Variants in LINGO2 observed in about 807,000 individuals in gnomAD.
The protein encoded by LINGO2 is leucine-rich repeat and immunoglobulin-like domain-containing nogo receptor-interacting protein 2.
A neutral mutation model predicts 30.6 loss-of-function variants in LINGO2; 14 were observed. The ratio of observed to expected loss-of-function variants is 0.46; its 90% confidence interval spans 0.30 to 0.72. The LOEUF is 0.72. LINGO2 is among the 30% of genes least tolerant of loss of function. The probability of loss-of-function intolerance (pLI) is 0.07; values close to 1 mark genes in which losing one functional copy is unlikely to be tolerated. For missense variants in LINGO2, 729 were observed against 751.7 expected (o/e 0.97, Z 0.35); for synonymous variants, 317 against 288.5 (o/e 1.10, Z -1.00).
chr9:28,139,194 C>T (rs939720952), intron 4 of LINGO2, among the ~76,000 whole-genome samples: 1 of 152,174 alleles, frequency 6.6e-6, no homozygotes, highest in Non-Finnish European at 1.5e-5. Context: ...ACTCTACCAG[C>T]ATCTCAGTTA....
chr9:27,941,633 T>C, the LINGO2 span: 3 of 152,290 alleles, frequency 2.0e-5, no homozygotes, highest in African/African-American at 7.2e-5. Context: ...AGCCATCTAA[T>C]GAGCCACAGG....
the LINGO2 span, among the ~76,000 whole-genome samples, chr9:29,114,314 G>A: frequency 1.3e-5 from 2 of 150,808 alleles, no homozygotes; most frequent in African/African-American, 2.4e-5. Flanking sequence ...TTCGATTACC[G>A]CATACTTGCA....
the LINGO2 span, among the ~76,000 whole-genome samples, chr9:28,951,915 A>C: frequency 6.6e-6 from 1 of 152,182 alleles, no homozygotes; most frequent in South Asian, 2.1e-4. Context: ...TCAAAAGAAG[A>C]TATTTACATG....
chr9:28,538,768 A>G (rs1222258430), intron 1 of LINGO2, among the ~76,000 whole-genome samples: 1 of 152,082 alleles, frequency 6.6e-6, no homozygotes, highest in East Asian at 1.9e-4. Flanking sequence ...GTGAATGTGG[A>G]GTCCTCATGA....
intron 4 of LINGO2, among the ~76,000 whole-genome samples, chr9:28,118,634 TAAC>T (rs1255884479): frequency 2.6e-5 from 4 of 152,290 alleles, no homozygotes; most frequent in Middle Eastern, 3.4e-3. Context: ...CTTCACAAAA[TAAC>T]AAACTAGGAA....
At chr9:28,932,107 A>AAAAATAAAATAAAACAAAAT in the LINGO2 span, among the ~76,000 whole-genome samples, 1 of 107,564 alleles carries the variant, frequency 9.3e-6, no homozygotes, top group Non-Finnish European at 1.8e-5. Flanking sequence ...ACTCTGACAA[A>AAAAATAAAATAAAACAAAAT]AAAATAAAAT....
At chr9:28,647,276 A>C (rs773665278) in intron 1 of LINGO2, among the ~76,000 whole-genome samples, 27 of 152,114 alleles carry the variant, frequency 1.8e-4, no homozygotes, top group Non-Finnish European at 3.5e-4. Context: ...TACTTCCCAT[A>C]ATAACTTATT....
At chr9:29,076,704 G>C in the LINGO2 span, among the ~76,000 whole-genome samples, 1 of 150,358 alleles carries the variant, frequency 6.7e-6, no homozygotes, top group Non-Finnish European at 1.5e-5. Flanking sequence ...TAAGGGACAG[G>C]GTTAGGATTC....
chr9:28,059,537 C>T (rs1333852197), intron 4 of LINGO2, among the ~76,000 whole-genome samples: 1 of 152,086 alleles, frequency 6.6e-6, no homozygotes, highest in Non-Finnish European at 1.5e-5. Flanking sequence ...TGCTATGTAA[C>T]CAGTGCTATT....
the LINGO2 span, among the ~76,000 whole-genome samples, chr9:28,808,222 T>G: frequency 6.6e-6 from 1 of 152,188 alleles, no homozygotes; most frequent in African/African-American, 2.4e-5. Flanking sequence ...AATCCTGCCA[T>G]GAATCCTTAG....
the LINGO2 span, among the ~76,000 whole-genome samples, chr9:28,900,392 T>C: frequency 6.6e-6 from 1 of 152,132 alleles, no homozygotes; most frequent in Non-Finnish European, 1.5e-5. Flanking sequence ...ACCAGGTCAG[T>C]ACCCACAGAA....
chr9:28,121,383 G>GT (rs1261684670), intron 4 of LINGO2, among the ~76,000 whole-genome samples: 2 of 152,010 alleles, frequency 1.3e-5, no homozygotes, highest in Non-Finnish European at 2.9e-5. Flanking sequence ...TTCTTTTAGA[G>GT]TTTTTGTTCT....
At chr9:29,024,286 T>C in the LINGO2 span, among the ~76,000 whole-genome samples, 1 of 152,056 alleles carries the variant, frequency 6.6e-6, no homozygotes, top group African/African-American at 2.4e-5. Flanking sequence ...TAAAGGAATA[T>C]TAACAAAATG....
At chr9:29,028,423 G>GC in the LINGO2 span, among the ~76,000 whole-genome samples, 8 of 75,280 alleles carry the variant, frequency 1.1e-4, no homozygotes, top group East Asian at 4.3e-4. Flanking sequence ...AGTGTGTGGG[G>GC]GGGGGTGAGA....
the LINGO2 span, among the ~76,000 whole-genome samples, chr9:29,083,623 A>G: frequency 1.3e-5 from 2 of 149,944 alleles, no homozygotes; most frequent in Non-Finnish European, 3.0e-5. Context: ...GCACCCAAAG[A>G]TAAATAAATT....
chr9:28,055,896 G>A (rs1824915216), intron 4 of LINGO2, among the ~76,000 whole-genome samples: 1 of 152,116 alleles, frequency 6.6e-6, no homozygotes, highest in African/African-American at 2.4e-5. Flanking sequence ...AAATGTGGCT[G>A]ATTACCACGA....
At chr9:29,175,522 A>ATT in the LINGO2 span, among the ~76,000 whole-genome samples, 82 of 110,388 alleles carry the variant, frequency 7.4e-4, no homozygotes, top group Admixed American at 9.6e-4. Context: ...TATCTCCGAG[A>ATT]TTTTTTTTTT....
At chr9:28,412,727 A>G (rs1366682203) in intron 2 of LINGO2, among the ~76,000 whole-genome samples, 1 of 152,152 alleles carries the variant, frequency 6.6e-6, no homozygotes, top group Non-Finnish European at 1.5e-5. Flanking sequence ...CAATGACATA[A>G]AATATGCATT....
chr9:27,984,602 T>G (rs181065237), intron 5 of LINGO2, among the ~76,000 whole-genome samples: 20 of 151,962 alleles, frequency 1.3e-4, no homozygotes, highest in African/African-American at 4.6e-4. Context: ...GGAGATGGAA[T>G]TCTTTCTACT....
Sources: gnomAD v4.1 joint callset for allele counts (sites outside exome capture counted in the v4.1 genomes callset) on GRCh38, gnomAD v4.1.1 for gene constraint, MANE v1.5 for transcripts, NCBI Gene and HGNC (gene_info 2026-07-23, HGNC 2026-07-21) for gene names.